Variants in EYS observed in about 807,000 individuals in gnomAD.
EYS encodes protein eyes shut homolog.
A neutral mutation model predicts 282.1 loss-of-function variants in EYS; 250 were observed. The ratio of observed to expected loss-of-function variants is 0.89; its 90% CI spans 0.80 to 0.98. EYS has a LOEUF of 0.98. Ranked by LOEUF, EYS falls within the 50% of genes least tolerant of loss-of-function variation. EYS has a pLI of 0.00. For synonymous variants in EYS, 1,355 were observed against 1,282.9 expected, an observed-to-expected ratio of 1.06 and a Z score of -1.20; for missense variants, 4,016 against 3,709.0, an observed-to-expected ratio of 1.08 and a Z score of -2.15.
At chr6:64,079,569 TA>T (rs1189150608) in intron 32 of EYS, among the ~76,000 whole-genome samples, 1 of 152,108 alleles carries the variant, frequency 6.6e-6, no homozygotes, top group Non-Finnish European at 1.5e-5. Flanking sequence ...TTTTATTTTT[TA>T]TTTTTTTATT....
intron 2 of EYS, among the ~76,000 whole-genome samples, chr6:65,563,004 C>G (rs1320254235): frequency 6.6e-6 from 1 of 151,988 alleles, no homozygotes; most frequent in Non-Finnish European, 1.5e-5. Flanking sequence ...CCATGTAGTA[C>G]CACTTTTTCA....
intron 19 of EYS, among the ~76,000 whole-genome samples, chr6:64,825,745 G>A (rs922306039): frequency 1.1e-4 from 16 of 151,898 alleles, no homozygotes; most frequent in South Asian, 6.2e-4. Context: ...ATGTTCATGT[G>A]TGAAAAAAGA....
chr6:64,080,079 A>T (rs1261096741), intron 32 of EYS, among the ~76,000 whole-genome samples: 1 of 152,202 alleles, frequency 6.6e-6, no homozygotes, highest in Non-Finnish European at 1.5e-5. Flanking sequence ...TTTGGGTATT[A>T]CCCAGTAATG....
Position 63,720,282 on chromosome 6 carries a change from C to G in EYS, c.*314G>C. Reference sequence around the variant, plus strand: ...ATTGATTTTTAAAATTGTGTTTACACGTTGATTTTAAAATGTAAGCATTAG... The same window carrying G: ...ATTGATTTTTAAAATTGTGTTTACAGGTTGATTTTAAAATGTAAGCATTAG... On this transcript the variant is annotated 3_prime_UTR_variant, in exon 43 of 43. Transcript: ENST00000503581. The G allele has an allele frequency of 2.8e-6, 1 of 360,682 alleles. No homozygotes were observed. Among genetic ancestry groups the G allele is most frequent in the Non-Finnish European group, 5.0e-6 (1 of 201,266 alleles). The allele number at this position is 360,682 out of a possible 1,614,324, so 22.3% of individuals were successfully genotyped here.
intron 12 of EYS, among the ~76,000 whole-genome samples, chr6:65,287,772 T>A (rs1768409762): frequency 6.6e-6 from 1 of 151,268 alleles, no homozygotes; most frequent in South Asian, 2.1e-4. Context: ...TTTTTTTGCC[T>A]TTTTATGGGA....
chr6:65,041,207 T>C (rs1040186991), intron 13 of EYS, among the ~76,000 whole-genome samples: 2 of 151,692 alleles, frequency 1.3e-5, no homozygotes, highest in Middle Eastern at 3.2e-3. Flanking sequence ...GAAAGGTATA[T>C]AGCACAGATC....
intron 41 of EYS, among the ~76,000 whole-genome samples, chr6:63,745,950 A>G (rs191910982): frequency 1.5e-3 from 234 of 152,334 alleles, no homozygotes; most frequent in South Asian, 2.7e-3. Flanking sequence ...GGACACAGGT[A>G]GAGCCAGCTG....
intron 2 of EYS, among the ~76,000 whole-genome samples, chr6:65,620,914 G>C (rs1766454055): frequency 6.6e-6 from 1 of 152,200 alleles, no homozygotes; most frequent in Non-Finnish European, 1.5e-5. Flanking sequence ...TGTGGTCTGA[G>C]AGACAGTTTG....
chr6:64,055,430 G>C (rs1022534160), intron 33 of EYS, among the ~76,000 whole-genome samples: 3 of 151,994 alleles, frequency 2.0e-5, no homozygotes, highest in African/African-American at 7.2e-5. Flanking sequence ...TATTATCTTT[G>C]TTTCAAAAAA....
intron 37 of EYS, among the ~76,000 whole-genome samples, chr6:63,793,870 C>T (rs890477940): frequency 6.6e-6 from 1 of 152,074 alleles, no homozygotes; most frequent in Non-Finnish European, 1.5e-5. Context: ...CCGCTTAGAG[C>T]CTTTGTATGT....
intron 13 of EYS, among the ~76,000 whole-genome samples, chr6:65,055,681 T>A (rs1389113124): frequency 6.6e-6 from 1 of 152,088 alleles, no homozygotes; most frequent in Non-Finnish European, 1.5e-5. Flanking sequence ...TCTAGTCAAG[T>A]ATTTTTTAGA....
chr6:65,069,609 G>A (rs187181657), intron 12 of EYS, among the ~76,000 whole-genome samples: 7 of 151,816 alleles, frequency 4.6e-5, no homozygotes, highest in Non-Finnish European at 7.4e-5. Flanking sequence ...TAGCTTCTGT[G>A]GTTTTTCTAC....
At chr6:63,778,626 C>CT (rs1770128747) in intron 39 of EYS, among the ~76,000 whole-genome samples, 1 of 151,994 alleles carries the variant, frequency 6.6e-6, no homozygotes, top group African/African-American at 2.4e-5. Context: ...CTTATTTATA[C>CT]TTTTTGCTAT....
At chr6:64,374,314 G>A (rs1048120324) in intron 29 of EYS, among the ~76,000 whole-genome samples, 3 of 152,104 alleles carry the variant, frequency 2.0e-5, no homozygotes, top group Admixed American at 1.3e-4. Flanking sequence ...AGTGCTGGCA[G>A]GCTTTGTGGC....
intron 12 of EYS, among the ~76,000 whole-genome samples, chr6:65,153,786 TAG>T (rs1764673013): frequency 6.6e-6 from 1 of 151,850 alleles, no homozygotes; most frequent in South Asian, 2.1e-4. Flanking sequence ...AAAAATTCTT[TAG>T]ACTGTTAATG....
intron 5 of EYS, among the ~76,000 whole-genome samples, chr6:65,474,397 C>T (rs573920403): frequency 1.3e-5 from 2 of 152,208 alleles, no homozygotes; most frequent in East Asian, 1.9e-4. Context: ...GTCTTACAGA[C>T]CTTTCTCTAC....
intron 29 of EYS, among the ~76,000 whole-genome samples, chr6:64,381,137 A>T (rs1772734708): frequency 6.6e-6 from 1 of 152,182 alleles, no homozygotes; most frequent in Non-Finnish European, 1.5e-5. Context: ...TAGTGATAAA[A>T]TGAACACGCA....
intron 31 of EYS, among the ~76,000 whole-genome samples, chr6:64,123,607 T>C (rs1458903234): frequency 1.3e-5 from 2 of 152,148 alleles, no homozygotes; most frequent in East Asian, 3.8e-4. Flanking sequence ...AGCTCTGTAC[T>C]TGGTATGAGT....
At chr6:64,939,194 C>T (rs578092663) in intron 15 of EYS, among the ~76,000 whole-genome samples, 1 of 151,646 alleles carries the variant, frequency 6.6e-6, no homozygotes, top group Non-Finnish European at 1.5e-5. Context: ...AATACATTAT[C>T]TTTATAATCA....
Sources: allele counts gnomAD v4.1 joint callset (sites outside exome capture counted in the v4.1 genomes callset), GRCh38; gene constraint gnomAD v4.1.1; transcripts MANE v1.5; gene names NCBI Gene and HGNC (gene_info 2026-07-23, HGNC 2026-07-21).